The following PRKN variants were observed in gnomAD, a reference collection of about 807,000 sequenced individuals.
The protein encoded by PRKN is E3 ubiquitin-protein ligase parkin.
In PRKN, 56 loss-of-function variants were observed where a neutral mutation model predicts 59.5. The ratio of observed to expected loss-of-function variants is 0.94; its 90% CI spans 0.76 to 1.18. The LOEUF (loss-of-function observed/expected upper bound fraction) is 1.18, where lower values mean the gene tolerates loss of function less well. Ranked by LOEUF, PRKN falls within the 50% of genes most tolerant of loss-of-function variation. The probability of loss-of-function intolerance (pLI) is 0.00; values close to 1 mark genes in which losing one functional copy is unlikely to be tolerated. For missense variants in PRKN, 657 were observed against 596.4 expected (o/e 1.10, Z -1.06); for synonymous variants, 250 against 222.1 (o/e 1.13, Z -1.12).
At chr6:162,666,159 T>C (rs1779092935) in intron 1 of PRKN, among the ~76,000 whole-genome samples, 2 of 152,086 alleles carry the variant, frequency 1.3e-5, no homozygotes, top group Non-Finnish European at 1.5e-5. Flanking sequence ...TTATTCTCAA[T>C]CCAGTTTTAA....
In PRKN at chr6:161,349,721, T is replaced by A; in HGVS notation, c.*378A>T. 1 of 374,922 alleles carries A rather than the reference T, an allele frequency of 2.7e-6. No individual in the cohort carries two copies. The highest frequency in any genetic ancestry group is 4.9e-6 in the Non-Finnish European group (1 of 202,108). 23.2% of individuals were successfully genotyped at this position (374,922 alleles called of 1,614,324 possible). ...TCTCTCTCCAGCTACTGATTCTGCCTGTCTCGAATTCAGGTGAGAATGACC... is the reference window on the plus strand; with the variant it reads ...TCTCTCTCCAGCTACTGATTCTGCCAGTCTCGAATTCAGGTGAGAATGACC... On this transcript the variant is annotated 3_prime_UTR_variant, in exon 12 of 12. Transcript: ENST00000366898. The surrounding 1 kb of genome is among the most constrained non-coding windows in gnomAD (Gnocchi z 5.5).
chr6:161,553,702 T>G (rs555064389), intron 8 of PRKN, among the ~76,000 whole-genome samples: 1 of 152,152 alleles, frequency 6.6e-6, no homozygotes, highest in South Asian at 2.1e-4. Flanking sequence ...ATAAAATATT[T>G]GAATCTTTTT....
chr6:161,382,957 G>A (rs1472829363), intron 10 of PRKN, among the ~76,000 whole-genome samples: 1 of 152,156 alleles, frequency 6.6e-6, no homozygotes, highest in Non-Finnish European at 1.5e-5. Context: ...GTCACAAATG[G>A]CTCAAAGCAA....
rs1790448423 is a variant in PRKN, at chr6:161,466,046, C to T, written c.1084-79169G>A. Among the ~76,000 whole-genome samples, 1 of 150,144 alleles carries T rather than the reference C, an allele frequency of 6.7e-6. No homozygotes were observed. The highest frequency in any genetic ancestry group is 6.6e-5 in the Admixed American group (1 of 15,186). ...ATCAAATTAATCAACACTTCTATCA[C>T]CACACATAGTTATCTTTGTGTGTGT... On this transcript the variant is annotated intron_variant, in intron 9 of 11. Coordinates refer to ENST00000366898, the MANE Select transcript of PRKN (RefSeq NM_004562.3). This position sits in a 1 kb window ranked among gnomAD's most constrained non-coding sequence, Gnocchi z 5.0.
chr6:161,500,978 C>G (rs531496435), intron 9 of PRKN, among the ~76,000 whole-genome samples: 1 of 149,316 alleles, frequency 6.7e-6, no homozygotes, highest in Non-Finnish European at 1.5e-5. Context: ...TGGGTTCAAG[C>G]GATTCTCCTG....
intron 7 of PRKN, among the ~76,000 whole-genome samples, chr6:161,598,729 C>T (rs959452802): frequency 6.6e-6 from 1 of 152,174 alleles, no homozygotes; most frequent in Non-Finnish European, 1.5e-5. Flanking sequence ...AAAGTATGTA[C>T]AGCAGATAGA....
At chr6:161,921,892 T>C (rs1003410538) in intron 6 of PRKN, among the ~76,000 whole-genome samples, 9 of 152,314 alleles carry the variant, frequency 5.9e-5, no homozygotes, top group African/African-American at 1.7e-4. Flanking sequence ...TGAAAGCAGA[T>C]AGAAGGAACT....
chr6:161,655,823 G>A (rs903247818), intron 7 of PRKN, among the ~76,000 whole-genome samples: 1 of 149,536 alleles, frequency 6.7e-6, no homozygotes, highest in Non-Finnish European at 1.5e-5. Context: ...GTTGATTATT[G>A]ATTTCCAGTT....
intron 3 of PRKN, among the ~76,000 whole-genome samples, chr6:162,252,571 C>T (rs77028280): frequency 0.067 from 10,250 of 152,228 alleles, 501 homozygotes; most frequent in Middle Eastern, 0.15. Flanking sequence ...ATGGAGCCAC[C>T]GTGAATGGGA....
At chr6:162,166,472 C>A (rs898532984) in intron 4 of PRKN, among the ~76,000 whole-genome samples, 4 of 152,142 alleles carry the variant, frequency 2.6e-5, no homozygotes, top group African/African-American at 9.7e-5. Context: ...GAGGCTGTAC[C>A]ACTATATCTT....
At chr6:162,658,125 A>C (rs1424914139) in intron 1 of PRKN, among the ~76,000 whole-genome samples, 1 of 152,174 alleles carries the variant, frequency 6.6e-6, no homozygotes, top group Non-Finnish European at 1.5e-5. Context: ...AGATGCACTT[A>C]AAAATCACTG....
intron 7 of PRKN, among the ~76,000 whole-genome samples, chr6:161,776,648 A>G (rs1019586397): frequency 6.6e-6 from 1 of 152,186 alleles, no homozygotes; most frequent in East Asian, 1.9e-4. Flanking sequence ...TTACCATTTA[A>G]TTGGTCTGAG....
intron 1 of PRKN, among the ~76,000 whole-genome samples, chr6:162,654,140 A>G (rs975587082): frequency 5.3e-5 from 8 of 152,224 alleles, no homozygotes; most frequent in Non-Finnish European, 1.0e-4. Flanking sequence ...GAAAGTTAAG[A>G]GACTTGTTTA....
chr6:162,661,187 G>A (rs1778860148), intron 1 of PRKN, among the ~76,000 whole-genome samples: 1 of 152,032 alleles, frequency 6.6e-6, no homozygotes, highest in South Asian at 2.1e-4. Flanking sequence ...CTTGAACTCA[G>A]GAGGCAAAGG....
intron 1 of PRKN, among the ~76,000 whole-genome samples, chr6:162,679,910 C>T (rs1302263063): frequency 6.6e-6 from 1 of 152,150 alleles, no homozygotes; most frequent in African/African-American, 2.4e-5. Context: ...GCCTTAGGGT[C>T]AGCAGTCTGA....
intron 1 of PRKN, among the ~76,000 whole-genome samples, chr6:162,550,176 G>T (rs1779279703): frequency 6.6e-6 from 1 of 152,152 alleles, no homozygotes; most frequent in Non-Finnish European, 1.5e-5. Flanking sequence ...ATAATAATGA[G>T]TATGTAGCTA....
chr6:161,879,545 A>G (rs1794856353), intron 6 of PRKN, among the ~76,000 whole-genome samples: 1 of 151,930 alleles, frequency 6.6e-6, no homozygotes, highest in South Asian at 2.1e-4. Flanking sequence ...ACGAGGTTTC[A>G]CCGTGTTAAC....
At position 161,745,118 on chromosome 6, in the gene PRKN, C is replaced by T. The variant is rs910926010; in HGVS notation, c.871+40654G>A. ...TGCTGAGCTCTGATTTTAAAACTTA[C>T]AGGACTATGAAGCCATTACCTATAA... On this transcript the variant is annotated intron_variant, in intron 7 of 11. Coordinates refer to ENST00000366898, the MANE Select transcript of PRKN (RefSeq NM_004562.3). Among the ~76,000 whole-genome samples the T allele has an allele frequency of 7.2e-5, 11 of 152,264 alleles. 1 individual carries two copies. The highest frequency in any genetic ancestry group is 5.9e-4 in the Admixed American group (9 of 15,302).
chr6:162,203,404 G>A (rs550287263), intron 3 of PRKN, among the ~76,000 whole-genome samples: 8 of 152,196 alleles, frequency 5.3e-5, no homozygotes, highest in South Asian at 4.1e-4. Flanking sequence ...CAGGCCAGTC[G>A]TGGCTGCAGC....
Sources: gnomAD v4.1 joint callset for allele counts (sites outside exome capture counted in the v4.1 genomes callset) on GRCh38, gnomAD v4.1.1 for gene constraint, Gnocchi (gnomAD v3.1) non-coding constraint, MANE v1.5 for transcripts, NCBI Gene and HGNC (gene_info 2026-07-23, HGNC 2026-07-21) for gene names.